The following RBM47 variants were observed in gnomAD, a reference collection of about 807,000 sequenced individuals.
RBM47 encodes RNA-binding protein 47.
RBM47 carries 21 observed loss-of-function variants against 47.1 expected under a neutral mutation model. The observed-to-expected ratio is 0.45, with a 90% CI of 0.32 to 0.64. RBM47 has a LOEUF of 0.64. Ranked by LOEUF, RBM47 falls within the 30% of genes least tolerant of loss-of-function variation. The pLI is 0.05. For missense variants in RBM47, 708 were observed against 870.9 expected (o/e 0.81, Z 2.35); for synonymous variants, 375 against 361.7 (o/e 1.04, Z -0.42).
At chr4:40,588,606 G>C (rs1366384175) in intron 1 of RBM47, among the ~76,000 whole-genome samples, 1 of 152,080 alleles carries the variant, frequency 6.6e-6, no homozygotes. Flanking sequence ...GCTAGACTTC[G>C]ATCCAGCACA....
intron 2 of RBM47, among the ~76,000 whole-genome samples, chr4:40,509,195 AAT>A (rs1405170335): frequency 6.6e-6 from 1 of 151,412 alleles, no homozygotes; most frequent in Non-Finnish European, 1.5e-5. Flanking sequence ...AAATAATAAT[AAT>A]ATATTTTTTT....
intron 1 of RBM47, among the ~76,000 whole-genome samples, chr4:40,601,636 C>T (rs1560499085): frequency 1.3e-5 from 2 of 152,296 alleles, no homozygotes; most frequent in South Asian, 2.1e-4. Context: ...GCCAAAAAAG[C>T]TTCGCTTGCT....
chr4:40,525,121 G>A (rs189133739), intron 2 of RBM47, among the ~76,000 whole-genome samples: 40 of 152,212 alleles, frequency 2.6e-4, no homozygotes, highest in African/African-American at 8.2e-4. Flanking sequence ...CCTAGTTACC[G>A]CTTGCTATAA....
At chr4:40,496,390 T>G (rs1722591865) in intron 2 of RBM47, among the ~76,000 whole-genome samples, 1 of 151,872 alleles carries the variant, frequency 6.6e-6, no homozygotes, top group African/African-American at 2.4e-5. Flanking sequence ...AGAATCTTTG[T>G]AGGGTCCTGG....
chr4:40,577,852 A>C (rs1304068647), intron 1 of RBM47, among the ~76,000 whole-genome samples: 1 of 152,132 alleles, frequency 6.6e-6, no homozygotes, highest in East Asian at 1.9e-4. Flanking sequence ...CTGTCCAATA[A>C]AAATTACAGG....
intron 3 of RBM47, among the ~76,000 whole-genome samples, chr4:40,449,739 C>A (rs1454116007): frequency 6.6e-6 from 1 of 152,140 alleles, no homozygotes; most frequent in Non-Finnish European, 1.5e-5. Context: ...AGTGCAGTGG[C>A]GCCATCTCAG....
rs182041092 is a variant in RBM47 at position 40,598,178 on chromosome 4, C to T, written c.-240+31218G>A. The stretch of plus-strand genomic sequence containing the variant: ...GAGGACTGACCACTGAATTTTGCCG[C>T]AATGTCTAATGGGAAATAAAGTGCG... On this transcript the variant is annotated intron_variant, in intron 1 of 6. Transcript: ENST00000295971. 3.0e-4 allele frequency among the ~76,000 whole-genome samples: 45 copies of T among 152,314 alleles called. No homozygotes were observed. In the East Asian group the frequency reaches 7.5e-3, roughly 25 times the overall value.
chr4:40,558,754 G>A (rs1730333694), intron 1 of RBM47, among the ~76,000 whole-genome samples: 1 of 151,830 alleles, frequency 6.6e-6, no homozygotes, highest in Non-Finnish European at 1.5e-5. Context: ...CTTGAACTCG[G>A]GAGGCAGAGG....
intron 2 of RBM47, among the ~76,000 whole-genome samples, chr4:40,488,785 C>T (rs1721472100): frequency 6.6e-6 from 1 of 152,188 alleles, no homozygotes; most frequent in Admixed American, 6.5e-5. Flanking sequence ...ACAACAACAA[C>T]CAGATTAGAA....
intron 1 of RBM47, among the ~76,000 whole-genome samples, chr4:40,595,782 A>G (rs1232473802): frequency 1.3e-5 from 2 of 150,462 alleles, no homozygotes; most frequent in African/African-American, 4.9e-5. Flanking sequence ...GCGTGTGCCT[A>G]TAATCCCAGC....
intron 2 of RBM47, among the ~76,000 whole-genome samples, chr4:40,509,200 AT>A (rs1181308008): frequency 7.1e-6 from 1 of 139,994 alleles, no homozygotes; most frequent in Non-Finnish European, 1.6e-5. Flanking sequence ...ATAATAATAT[AT>A]TTTTTTCAAA....
At chr4:40,547,208 C>T (rs1729120220) in intron 1 of RBM47, among the ~76,000 whole-genome samples, 2 of 152,184 alleles carry the variant, frequency 1.3e-5, no homozygotes, top group African/African-American at 2.4e-5. Context: ...TATACAGTGC[C>T]CCTCCCTGCC....
At chr4:40,427,033 T>C (rs1237183352) in intron 6 of RBM47, 1 of 152,158 alleles carries the variant, frequency 6.6e-6, no homozygotes, top group African/African-American at 2.4e-5. Context: ...TGATGGAATA[T>C]GATCTGTCTC....
chr4:40,575,703 C>T (rs1231398671), intron 1 of RBM47, among the ~76,000 whole-genome samples: 2 of 152,168 alleles, frequency 1.3e-5, no homozygotes, highest in Admixed American at 1.3e-4. Context: ...GAGTGACCAA[C>T]CCATGCCAGT....
rs915804238 is a variant in RBM47, at chr4:40,534,807, C to T, written c.-155+9615G>A. Among the ~76,000 whole-genome samples the T allele has an allele frequency of 4.6e-5, 7 of 152,090 alleles. No homozygotes were observed. In the South Asian group the frequency reaches 6.2e-4, roughly 14 times the overall value. On this transcript the variant is annotated intron_variant, in intron 2 of 6. Coordinates refer to ENST00000295971, the MANE Select transcript of RBM47 (RefSeq NM_001098634.2). ...AAAATTAGCCAGGCATGGTGGCGGG[C>T]GCCTGTAGTCTCAGCTACTCTGGAG...
At chr4:40,482,880 C>T (rs781715417) in intron 2 of RBM47, among the ~76,000 whole-genome samples, 10 of 152,112 alleles carry the variant, frequency 6.6e-5, no homozygotes, top group African/African-American at 9.7e-5. Context: ...GCCTAGTTAC[C>T]TGTTCAACAT....
At chr4:40,440,924 T>C (rs766104379) in intron 3 of RBM47, among the ~76,000 whole-genome samples, 15 of 152,198 alleles carry the variant, frequency 9.9e-5, no homozygotes, top group Non-Finnish European at 1.5e-4. Context: ...ATTCTTTCAA[T>C]TTTAGAGTAA....
chr4:40,503,080 CAG>C (rs1723612828), intron 2 of RBM47, among the ~76,000 whole-genome samples: 1 of 151,786 alleles, frequency 6.6e-6, no homozygotes, highest in Non-Finnish European at 1.5e-5. Context: ...GACTCAGAAA[CAG>C]TGACTAAAGT....
chr4:40,457,772 C>T (rs1716519902), intron 3 of RBM47, among the ~76,000 whole-genome samples: 1 of 152,102 alleles, frequency 6.6e-6, no homozygotes, highest in African/African-American at 2.4e-5. Flanking sequence ...TTAAATTTTA[C>T]TATCACATTG....
Sources: allele counts gnomAD v4.1 joint callset (sites outside exome capture counted in the v4.1 genomes callset), GRCh38; gene constraint gnomAD v4.1.1; transcripts MANE v1.5; gene names NCBI Gene and HGNC (gene_info 2026-07-23, HGNC 2026-07-21).